The following SLC26A7 variants were observed in gnomAD, a reference collection of about 807,000 sequenced individuals.
SLC26A7 encodes the protein solute carrier family 26 member 7, also known as anion exchange transporter.
A neutral mutation model predicts 82.5 loss-of-function variants in SLC26A7; 59 were observed. The ratio of observed to expected loss-of-function variants is 0.72; its 90% CI spans 0.58 to 0.89. The LOEUF (loss-of-function observed/expected upper bound fraction) is 0.89. Among genes scored for constraint, SLC26A7 ranks in the 40% least tolerant of loss-of-function variants. The probability of loss-of-function intolerance (pLI) is 0.00; values close to 1 mark genes in which losing one functional copy is unlikely to be tolerated. For synonymous variants in SLC26A7, 271 were observed against 274.3 expected (o/e 0.99, Z 0.12); for missense variants, 820 against 793.0 (o/e 1.03, Z -0.41).
intron 4 of SLC26A7, among the ~76,000 whole-genome samples, chr8:91,298,168 T>C (rs1216132110): frequency 5.3e-5 from 8 of 152,132 alleles, no homozygotes. Flanking sequence ...AAGGGCTCCA[T>C]GACTTATTAG....
At chr8:91,247,246 G>T (rs1810557331), upstream of SLC26A7, among the ~76,000 whole-genome samples, 2 of 152,102 alleles carry the variant, frequency 1.3e-5, no homozygotes, top group Admixed American at 6.6e-5. Flanking sequence ...ATTTGTATAG[G>T]TATTATCCCA....
chr8:91,288,789 A>G (rs994157901), intron 2 of SLC26A7, among the ~76,000 whole-genome samples: 1 of 152,222 alleles, frequency 6.6e-6, no homozygotes, highest in African/African-American at 2.4e-5. Context: ...ACATAAAATT[A>G]TACATGTGAA....
intron 2 of SLC26A7, among the ~76,000 whole-genome samples, chr8:91,232,595 T>C (rs1375081313): frequency 3.3e-5 from 5 of 152,218 alleles, no homozygotes; most frequent in Non-Finnish European, 7.3e-5. Flanking sequence ...AAAAATCACA[T>C]TGGTTTGATT....
chr8:91,257,560 C>G (rs1810838094), intron 2 of SLC26A7, among the ~76,000 whole-genome samples: 2 of 152,028 alleles, frequency 1.3e-5, no homozygotes, highest in Non-Finnish European at 2.9e-5. Flanking sequence ...GACTCCTATT[C>G]ATAGCCATGA....
At chr8:91,271,238 G>A (rs13264260) in intron 2 of SLC26A7, among the ~76,000 whole-genome samples, 28 of 151,750 alleles carry the variant, frequency 1.8e-4, no homozygotes, top group African/African-American at 4.9e-4. Context: ...CTGATTTGTC[G>A]TTTTTATAGC....
At chr8:91,325,450 A>T (rs1330015837) in intron 5 of SLC26A7, among the ~76,000 whole-genome samples, 1 of 152,202 alleles carries the variant, frequency 6.6e-6, no homozygotes, top group Non-Finnish European at 1.5e-5. Flanking sequence ...GGCACTGTAT[A>T]GATACAGGTA....
intron 5 of SLC26A7, among the ~76,000 whole-genome samples, chr8:91,333,537 C>G (rs549640774): frequency 6.6e-6 from 1 of 152,248 alleles, no homozygotes; most frequent in African/African-American, 2.4e-5. Flanking sequence ...CCTCTATCAT[C>G]TATAACCTGG....
chr8:91,389,401 C>T lies in SLC26A7; in HGVS notation c.1739C>T (p.Thr580Ile), dbSNP rs763617487. 1.2e-6 allele frequency: 2 copies of T among 1,613,748 alleles called. No individual in the cohort carries two copies. The highest frequency in any genetic ancestry group is 4.5e-5 in the East Asian group (2 of 44,864). The change falls in exon 16 of 19, where the codon ACC (threonine) becomes ATC (isoleucine). Residue 580 changes from threonine (T) to isoleucine (I), a missense_variant. Transcript: ENST00000276609. ...CYLILDCSGFTFFDYSGVSML... is the reference protein window; with the variant it reads ...CYLILDCSGFIFFDYSGVSML... ...TTAATCCTGGATTGCAGTGGATTTA[C>T]CTTTTTTGACTATTCTGGAGTCTCC...
intron 1 of SLC26A7, among the ~76,000 whole-genome samples, chr8:91,211,616 ATT>A (rs34106795): frequency 1.1e-3 from 156 of 137,526 alleles, no homozygotes; most frequent in African/African-American, 3.9e-3. Context: ...ATATATATAT[ATT>A]TTTTTTTTAT....
chr8:91,316,988 TAAAAAAAAAAAAA>T (rs61581659), intron 4 of SLC26A7, among the ~76,000 whole-genome samples: 5 of 15,540 alleles, frequency 3.2e-4, no homozygotes, highest in South Asian at 7.5e-3. Context: ...ACCCTGTCTC[TAAAAAAAAAAAAA>T]AAAAAAAAAA....
intron 5 of SLC26A7, among the ~76,000 whole-genome samples, chr8:91,331,632 A>G (rs953012470): frequency 1.3e-5 from 2 of 152,168 alleles, no homozygotes; most frequent in Admixed American, 1.3e-4. Context: ...TTCAAAATGT[A>G]CAATGTGATG....
chr8:91,363,318 A>G (rs1048237832), intron 12 of SLC26A7, among the ~76,000 whole-genome samples, 154 bp from the exon 13 acceptor site: 15 of 152,094 alleles, frequency 9.9e-5, no homozygotes, highest in Admixed American at 7.9e-4. Context: ...AGAGATATAT[A>G]GATTCACCAA....
intron 2 of SLC26A7, among the ~76,000 whole-genome samples, chr8:91,281,872 A>C (rs1452260250): frequency 1.3e-5 from 2 of 152,138 alleles, no homozygotes; most frequent in Admixed American, 1.3e-4. Flanking sequence ...AATATTAAGC[A>C]TACCTTTTCA....
At chr8:91,342,483 T>G (rs1813448224) in intron 8 of SLC26A7, among the ~76,000 whole-genome samples, 1 of 152,160 alleles carries the variant, frequency 6.6e-6, no homozygotes, top group East Asian at 1.9e-4. Flanking sequence ...TGGACCATGA[T>G]GTAGTGATGG....
At chr8:91,278,154 C>T (rs180852060) in intron 2 of SLC26A7, among the ~76,000 whole-genome samples, 2 of 152,122 alleles carry the variant, frequency 1.3e-5, no homozygotes, top group East Asian at 3.9e-4. Flanking sequence ...CTTGGGTGCT[C>T]CTCTGAGTTG....
chr8:91,340,424 C>A lies in SLC26A7; in HGVS notation c.899C>A (p.Pro300His), dbSNP rs1251671084. The change falls in exon 8 of 19, where the codon CCC becomes CAC. Residue 300 changes from proline to histidine, a missense_variant. Transcript: ENST00000276609. ...CACAGAATTCCCTCACCTAGAGCTC[C>A]CCCGATGAACATCCTCTCTGCGGTG... ...IPQGIPSPRA[P>H]PMNILSAVIT... 6.2e-7 allele frequency: 1 copy of A among 1,613,876 alleles called. No homozygotes were observed. Among genetic ancestry groups the A allele is most frequent in the African/African-American group, 1.3e-5 (1 of 74,992 alleles).
At chr8:91,256,849 A>G (rs1810817802) in intron 2 of SLC26A7, among the ~76,000 whole-genome samples, 1 of 152,150 alleles carries the variant, frequency 6.6e-6, no homozygotes, top group East Asian at 1.9e-4. Context: ...TCTCATGAAA[A>G]TATGAGCTCT....
intron 2 of SLC26A7, among the ~76,000 whole-genome samples, chr8:91,253,639 C>T (rs769225942): frequency 7.4e-4 from 112 of 152,256 alleles, no homozygotes; most frequent in Non-Finnish European, 1.2e-3. Flanking sequence ...CCTCTTGATA[C>T]AAAGCTCTAC....
intron 11 of SLC26A7, among the ~76,000 whole-genome samples, chr8:91,355,540 T>C (rs1813839391): frequency 6.6e-6 from 1 of 152,088 alleles, no homozygotes; most frequent in African/African-American, 2.4e-5. Context: ...CTTTTTAATT[T>C]TAAACATGGC....
Sources: gnomAD v4.1 joint callset for allele counts (sites outside exome capture counted in the v4.1 genomes callset) on GRCh38, gnomAD v4.1.1 for gene constraint, MANE v1.5 for transcripts, NCBI Gene and HGNC (gene_info 2026-07-23, HGNC 2026-07-21) for gene names.